Variants in CYP19A1 observed in about 807,000 individuals in gnomAD.
CYP19A1 encodes cytochrome P450 family 19 subfamily A member 1.
A neutral mutation model predicts 44.4 loss-of-function variants in CYP19A1; 32 were observed. That is an observed-to-expected ratio of 0.72 (90% CI 0.54 to 0.97). CYP19A1 has a LOEUF of 0.97. Among genes scored for constraint, CYP19A1 ranks in the 50% least tolerant of loss-of-function variants. The pLI, the probability that CYP19A1 is intolerant of heterozygous loss-of-function variation, is 0.00. For missense variants in CYP19A1, 598 were observed against 637.8 expected (o/e 0.94, Z 0.67); for synonymous variants, 212 against 215.6 (o/e 0.98, Z 0.14).
At chr15:51,264,495 GAA>G (rs1749436898) in intron 1 of CYP19A1, among the ~76,000 whole-genome samples, 1 of 142,562 alleles carries the variant, frequency 7.0e-6, no homozygotes, top group African/African-American at 2.9e-5. Context: ...CTTTTAGAAG[GAA>G]AGAGTAACGA....
Position 51,232,052 on chromosome 15 carries a change from T to A in CYP19A1, c.297-4119A>T, listed in dbSNP as rs1009894122. 6.6e-5 allele frequency among the ~76,000 whole-genome samples: 10 copies of A among 152,336 alleles called. No individual in the cohort carries two copies. The Middle Eastern group carries it at 0.01, about 155-fold the overall frequency. On this transcript the variant is annotated intron_variant, in intron 3 of 9. Transcript: ENST00000396402. ...CTGACCAGTCCCCCTACAACTCACA[T>A]GCTGTAATTTCTCCTATTTTAAAAA...
At chr15:51,232,976 T>C (rs12592697) in intron 3 of CYP19A1, among the ~76,000 whole-genome samples, 100,029 of 152,218 alleles carry the variant, frequency 0.66, 32,861 homozygotes, top group South Asian at 0.75. Context: ...ACCCTATTGC[T>C]TCTCTCATCT....
chr15:51,323,427 G>A (rs776312863), intron 1 of CYP19A1, among the ~76,000 whole-genome samples: 4 of 151,658 alleles, frequency 2.6e-5, no homozygotes, highest in African/African-American at 4.8e-5. Flanking sequence ...AATGATAAAC[G>A]GAGATGGAAC....
At chr15:51,270,737 C>T (rs1160147389) in intron 1 of CYP19A1, among the ~76,000 whole-genome samples, 3 of 152,200 alleles carry the variant, frequency 2.0e-5, no homozygotes, top group Non-Finnish European at 4.4e-5. Flanking sequence ...AGACCAAAAT[C>T]CATCCGTCTG....
intron 1 of CYP19A1, chr15:51,313,957 C>G (rs747941069): frequency 6.6e-6 from 1 of 152,112 alleles, no homozygotes; most frequent in Non-Finnish European, 1.5e-5. Flanking sequence ...GGCTTAGGAA[C>G]CTGGAGAGAT....
At chr15:51,333,789 T>C (rs536319967) in intron 1 of CYP19A1, among the ~76,000 whole-genome samples, 1 of 152,302 alleles carries the variant, frequency 6.6e-6, no homozygotes, top group East Asian at 1.9e-4. Flanking sequence ...AGGCTTAATA[T>C]TGGCAGGAAT....
Position 51,258,997 on chromosome 15 carries a change from C to T in CYP19A1, c.-38-16047G>A, listed in dbSNP as rs571005470. ...GAGGTTCAGTGTTGCCCCCATCCCT[C>T]CACCATCATTGACAAACTGTGGCAG... On this transcript the variant is annotated intron_variant, in intron 1 of 9. Transcript: ENST00000396402. 4.6e-4 allele frequency among the ~76,000 whole-genome samples: 70 copies of T among 152,182 alleles called. 1 individual carries two copies. Among genetic ancestry groups the T allele is most frequent in the Admixed American group, 3.0e-3 (46 of 15,284 alleles).
intron 9 of CYP19A1, chr15:51,211,517 C>A: frequency 3.0e-6 from 1 of 338,294 alleles, no homozygotes; most frequent in South Asian, 2.3e-5. Flanking sequence ...TTAATGAGGA[C>A]CACAGCTGTC....
chr15:51,299,248 C>T (rs1446192188), intron 1 of CYP19A1, among the ~76,000 whole-genome samples: 1 of 152,186 alleles, frequency 6.6e-6, no homozygotes, highest in African/African-American at 2.4e-5. Context: ...CACACTCATC[C>T]CCGCCTCCAA....
rs2030657586 is a variant in CYP19A1 at position 51,208,916 on chromosome 15, G to A, written c.*1892C>T. On this transcript the variant is annotated 3_prime_UTR_variant, in exon 10 of 10. Coordinates refer to ENST00000396402, the MANE Select transcript of CYP19A1 (RefSeq NM_000103.4). ...TAAAATACACATAAATGTCCCAAGA[G>A]TATTGGATGGGTGAAGTACATGGAT... 6.6e-6 allele frequency: 1 copy of A among 152,120 alleles called. No homozygotes were observed. The allele number at this position is 152,120 out of a possible 1,614,324, so 9.4% of individuals were successfully genotyped here. A position where few individuals can be genotyped will look rare whatever the true frequency, so the allele number is the denominator to read the frequency against.
At chr15:51,292,245 G>T (rs1479597306) in intron 1 of CYP19A1, among the ~76,000 whole-genome samples, 1 of 152,176 alleles carries the variant, frequency 6.6e-6, no homozygotes, top group Non-Finnish European at 1.5e-5. Context: ...TCCAACTAGG[G>T]TTAATTATTG....
chr15:51,270,184 G>GTTTT (rs3078032), intron 1 of CYP19A1, among the ~76,000 whole-genome samples: 1 of 149,128 alleles, frequency 6.7e-6, no homozygotes, highest in Admixed American at 6.7e-5. Flanking sequence ...GTATTCTTTG[G>GTTTT]TTTTTTTTTT....
intron 1 of CYP19A1, among the ~76,000 whole-genome samples, chr15:51,247,303 C>T (rs1327964935): frequency 6.6e-6 from 1 of 152,120 alleles, no homozygotes; most frequent in Non-Finnish European, 1.5e-5. Flanking sequence ...GGCACCTCCC[C>T]CTATTCCCTT....
intron 2 of CYP19A1, chr15:51,242,349 G>T (rs547372563): frequency 9.4e-5 from 26 of 277,644 alleles, no homozygotes; most frequent in Non-Finnish European, 1.5e-4. Context: ...AGGGGGCATG[G>T]CGGAAACAAA....
At chr15:51,313,850 TG>T (rs1001739444) in intron 1 of CYP19A1, among the ~76,000 whole-genome samples, 10 of 152,094 alleles carry the variant, frequency 6.6e-5, no homozygotes, top group Admixed American at 6.5e-4. Context: ...GGGAAAGGGC[TG>T]GGGTGCGTGG....
intron 1 of CYP19A1, among the ~76,000 whole-genome samples, chr15:51,274,439 C>T (rs2035233468): frequency 6.6e-6 from 1 of 152,152 alleles, no homozygotes; most frequent in Admixed American, 6.5e-5. Flanking sequence ...CTCTTGGGAG[C>T]GTTATTCCCT....
intron 1 of CYP19A1, among the ~76,000 whole-genome samples, chr15:51,299,947 G>A (rs2036078350): frequency 6.6e-6 from 1 of 152,220 alleles, no homozygotes; most frequent in Non-Finnish European, 1.5e-5. Flanking sequence ...GGATTTCACT[G>A]GGCAGAAATG....
chr15:51,319,980 T>C (rs755703328), intron 1 of CYP19A1, among the ~76,000 whole-genome samples: 7 of 152,210 alleles, frequency 4.6e-5, no homozygotes, highest in Non-Finnish European at 8.8e-5. Context: ...GAGCGACACT[T>C]GAATGCCAGC....
chr15:51,310,045 A>G (rs2036284114), intron 1 of CYP19A1, among the ~76,000 whole-genome samples: 1 of 152,232 alleles, frequency 6.6e-6, no homozygotes, highest in South Asian at 2.1e-4. Context: ...CAGGGAATAT[A>G]GGATTCCCAA....
Sources: gnomAD v4.1 joint callset for allele counts (sites outside exome capture counted in the v4.1 genomes callset) on GRCh38, gnomAD v4.1.1 for gene constraint, MANE v1.5 for transcripts, NCBI Gene and HGNC (gene_info 2026-07-23, HGNC 2026-07-21) for gene names.